Variants in FBXO10 observed in about 807,000 individuals in gnomAD.
The protein encoded by FBXO10 is F-box only protein 10.
Under a neutral mutation model 80.7 loss-of-function variants are expected in FBXO10, and 39 were observed. The observed-to-expected ratio is 0.48, with a 90% CI of 0.37 to 0.63. The LOEUF (loss-of-function observed/expected upper bound fraction) is 0.63. FBXO10 is among the 30% of genes least tolerant of loss of function. The pLI, the probability that FBXO10 is intolerant of heterozygous loss-of-function variation, is 0.00. For missense variants in FBXO10, 1,025 were observed against 1,269.0 expected (o/e 0.81, Z 2.92); for synonymous variants, 449 against 489.6 (o/e 0.92, Z 1.09).
At chr9:37,566,476 A>G (rs1220746510) in intron 1 of FBXO10, among the ~76,000 whole-genome samples, 3 of 149,644 alleles carry the variant, frequency 2.0e-5, no homozygotes, top group African/African-American at 7.3e-5. Flanking sequence ...AAAAAAAAAA[A>G]GTGGAAAAAA....
Position 37,537,308 on chromosome 9 carries a change from C to T in FBXO10, c.1221G>A (p.Leu407=). The T allele has an allele frequency of 6.2e-7, 1 of 1,611,586 alleles. No homozygotes were observed. Among genetic ancestry groups the T allele is most frequent in the Non-Finnish European group, 8.5e-7 (1 of 1,178,668 alleles). Reference sequence around the variant, plus strand: ...TCTGCAGCTCCTGCTGCAGTGAGTTCAGCACTAGGCAGCTGGGCAGCTGAA... The same window carrying T: ...TCTGCAGCTCCTGCTGCAGTGAGTTTAGCACTAGGCAGCTGGGCAGCTGAA... ...ASIQLPSCLV[L]NSLQQELQKD... The change falls in exon 3 of 11, where the codon CTG becomes CTA. Residue 407 remains leucine (L), a synonymous_variant. Coordinates refer to ENST00000432825, the MANE Select transcript of FBXO10 (RefSeq NM_012166.3).
intron 6 of FBXO10, 28 bp downstream of exon 6, chr9:37,525,074 C>T: frequency 6.4e-7 from 1 of 1,551,214 alleles, no homozygotes; most frequent in Non-Finnish European, 8.7e-7. Flanking sequence ...GGCCTGGCTG[C>T]CAGGTGCCAG....
intron 1 of FBXO10, among the ~76,000 whole-genome samples, chr9:37,553,012 TTGTGTGTGTGTGTG>T (rs74171513): frequency 1.2e-3 from 176 of 144,472 alleles, no homozygotes; most frequent in South Asian, 3.7e-3. Context: ...CCAATTCAGG[TTGTGTGTGTGTGTG>T]TGTGTGTGTG....
At chr9:37,546,448 C>A (rs567529906) in intron 1 of FBXO10, among the ~76,000 whole-genome samples, 35 of 152,288 alleles carry the variant, frequency 2.3e-4, no homozygotes, top group African/African-American at 7.5e-4. Flanking sequence ...GTAGGGATCA[C>A]CTGCTATGAA....
At chr9:37,513,493 C>T (rs1821112653) in intron 10 of FBXO10, among the ~76,000 whole-genome samples, 1 of 152,206 alleles carries the variant, frequency 6.6e-6, no homozygotes, top group Admixed American at 6.5e-5. Context: ...ATGAATGAAT[C>T]TCCAGCATGT....
At chr9:37,529,639 C>T (rs569909037) in intron 4 of FBXO10, among the ~76,000 whole-genome samples, 2 of 152,322 alleles carry the variant, frequency 1.3e-5, no homozygotes, top group Admixed American at 1.3e-4. Context: ...TGAGGAAAGG[C>T]AGCACCCCAG....
chr9:37,524,470 G>C (rs1297853432), intron 6 of FBXO10, among the ~76,000 whole-genome samples: 2 of 152,234 alleles, frequency 1.3e-5, no homozygotes, highest in South Asian at 4.2e-4. Flanking sequence ...TTCAGTCAGG[G>C]GGATTCCCTG....
intron 3 of FBXO10, among the ~76,000 whole-genome samples, chr9:37,535,315 TAAA>T (rs1466279673): frequency 2.0e-5 from 3 of 152,030 alleles, no homozygotes; most frequent in Non-Finnish European, 4.4e-5. Flanking sequence ...TTATGACACA[TAAA>T]GAAGAAAATC....
intron 1 of FBXO10, among the ~76,000 whole-genome samples, chr9:37,556,469 C>T (rs1372093371): frequency 6.6e-6 from 1 of 150,930 alleles, no homozygotes; most frequent in Non-Finnish European, 1.5e-5. Flanking sequence ...ATCCTTTCTC[C>T]ATTGAACTGC....
In FBXO10 at chr9:37,548,817, C is replaced by T. The variant is rs111772831; in HGVS notation, c.-6-7043G>A. On this transcript the variant is annotated intron_variant, in intron 1 of 10. Transcript: ENST00000432825. ...AGGCTGAAGTGCAGTGGCGCCATCT[C>T]GGCTCACTGCAACCTCTTCCTCCTG... 3.0e-3 allele frequency among the ~76,000 whole-genome samples: 451 copies of T among 152,158 alleles called. 11 individuals carry two copies. In the East Asian group the frequency reaches 0.04, roughly 13 times the overall value.
At chr9:37,557,175 A>G (rs999908531) in intron 1 of FBXO10, among the ~76,000 whole-genome samples, 1 of 152,220 alleles carries the variant, frequency 6.6e-6, no homozygotes, top group Non-Finnish European at 1.5e-5. Context: ...AATGATGCCA[A>G]TAAGTGATGA....
chr9:37,575,159 C>T (rs1452471941), intron 1 of FBXO10, among the ~76,000 whole-genome samples: 1 of 152,012 alleles, frequency 6.6e-6, no homozygotes, highest in Non-Finnish European at 1.5e-5. Flanking sequence ...GCTACACATG[C>T]CTGGCACTTT....
chr9:37,548,982 T>A (rs1434102405), intron 1 of FBXO10, among the ~76,000 whole-genome samples: 1 of 152,170 alleles, frequency 6.6e-6, no homozygotes, highest in African/African-American at 2.4e-5. Context: ...TCTCCTGACC[T>A]CATGATCCAC....
chr9:37,545,632 G>A (rs1166152925), intron 1 of FBXO10, among the ~76,000 whole-genome samples: 1 of 152,082 alleles, frequency 6.6e-6, no homozygotes, highest in Non-Finnish European at 1.5e-5. Context: ...AGCTCCACAC[G>A]TGAATACCCA....
In FBXO10 at chr9:37,512,439, C is replaced by G; in HGVS notation, c.*108G>C. Reference sequence around the variant, plus strand: ...GTACCGTGTTTTGGAGGCCCGGGACCCATTTGTTCGAGGGGGAGGGGGAGG... The same window carrying G: ...GTACCGTGTTTTGGAGGCCCGGGACGCATTTGTTCGAGGGGGAGGGGGAGG... On this transcript the variant is annotated 3_prime_UTR_variant, in exon 11 of 11. Transcript: ENST00000432825. 3 of 1,257,164 alleles carry G rather than the reference C, an allele frequency of 2.4e-6. No individual in the cohort carries two copies. Among genetic ancestry groups the G allele is most frequent in the Non-Finnish European group, 2.2e-6 (2 of 900,990 alleles). 77.9% of individuals were successfully genotyped at this position (1,257,164 alleles called of 1,614,324 possible).
intron 3 of FBXO10, among the ~76,000 whole-genome samples, chr9:37,536,336 G>A (rs768922599): frequency 6.6e-6 from 1 of 152,160 alleles, no homozygotes; most frequent in African/African-American, 2.4e-5. Flanking sequence ...TAGGTGCTAT[G>A]CCATGCTTTC....
At chr9:37,534,525 C>T (rs972288345) in intron 3 of FBXO10, among the ~76,000 whole-genome samples, 4 of 152,254 alleles carry the variant, frequency 2.6e-5, no homozygotes, top group Non-Finnish European at 5.9e-5. Flanking sequence ...GAATGCAGGG[C>T]TGCATGTGTC....
chr9:37,512,614 G>A lies in FBXO10; in HGVS notation c.2804C>T (p.Thr935Met), dbSNP rs780753449. 2.0e-5 allele frequency: 33 copies of A among 1,613,832 alleles called. No individual in the cohort carries two copies. In the Admixed American group the frequency reaches 3.3e-4, roughly 16 times the overall value. The change falls in exon 11 of 11, where the codon ACG becomes ATG. Residue 935 changes from threonine to methionine, a missense_variant. Thr to Met is a moderately conservative substitution (Grantham distance 81). Around this residue, in one of 3 missense-constraint regions of FBXO10, gnomAD observed 97 missense variants for 101.8 expected, o/e 0.95. Transcript: ENST00000432825. ...ACCTTCCACCCGGGCTGTGATCCTCGTTGCCATGGCTGTCACCTTCTGCCC... is the reference window on the plus strand; with the variant it reads ...ACCTTCCACCCGGGCTGTGATCCTCATTGCCATGGCTGTCACCTTCTGCCC... ...HNGQKVTAMA[T>M]RITARVEGGY...
intron 2 of FBXO10, among the ~76,000 whole-genome samples, chr9:37,539,110 T>C (rs1053365045): frequency 5.9e-5 from 9 of 152,224 alleles, no homozygotes; most frequent in Non-Finnish European, 1.3e-4. Flanking sequence ...GAGTATCTCA[T>C]GATTCCATTT....
Sources: allele counts gnomAD v4.1 joint callset (sites outside exome capture counted in the v4.1 genomes callset), GRCh38; gene constraint gnomAD v4.1.1; regional missense constraint gnomAD v4.1.1; transcripts MANE v1.5; gene names NCBI Gene and HGNC (gene_info 2026-07-23, HGNC 2026-07-21).